BEND7: variants seen among roughly 807,000 people sequenced by gnomAD.
BEND7 encodes the protein BEN domain-containing protein 7.
In BEND7, 28 loss-of-function variants were observed where a neutral mutation model predicts 50.9. That is an observed-to-expected ratio of 0.55 (90% confidence interval 0.41 to 0.75). The LOEUF is 0.75. Ranked by LOEUF, BEND7 falls within the 30% of genes least tolerant of loss-of-function variation. BEND7 has a pLI of 0.00. For missense variants in BEND7, 477 were observed against 491.3 expected, an observed-to-expected ratio of 0.97 and a Z score of 0.28; for synonymous variants, 170 against 183.9, an observed-to-expected ratio of 0.92 and a Z score of 0.61.
In BEND7 at chr10:13,441,541, CCAG is replaced by C. The variant is rs1351451021; in HGVS notation, c.*199_*201del. ...TGGAAGGCAGTGCTTCTGAAGGTTC[CCAG>C]CAGATCTCTTAACAGACCACAGTTG... On this transcript the variant is annotated 3_prime_UTR_variant, in exon 9 of 9. Coordinates refer to ENST00000466271, the MANE Select transcript of BEND7 (RefSeq NM_001369863.1). 10 of 1,410,850 alleles carry C rather than the reference CCAG, an allele frequency of 7.1e-6. No homozygotes were observed. The highest frequency in any genetic ancestry group is 9.2e-6 in the Non-Finnish European group (10 of 1,083,808). 87.4% of individuals were successfully genotyped at this position (1,410,850 alleles called of 1,614,324 possible). A position where few individuals can be genotyped will look rare whatever the true frequency, so the allele number is the denominator to read the frequency against.
chr10:13,496,719 T>C, intron 4 of BEND7, 47 bp downstream of exon 4: 1 of 1,588,296 alleles, frequency 6.3e-7, no homozygotes, highest in Non-Finnish European at 8.6e-7. Context: ...AGATGTCAGA[T>C]ATGCATTAAA....
intron 8 of BEND7, chr10:13,443,586 A>G (rs1375596577): frequency 6.6e-6 from 1 of 152,272 alleles, no homozygotes; most frequent in Non-Finnish European, 1.5e-5. Context: ...CTCCATGAGC[A>G]ATTGTAGAAA....
At chr10:13,466,295 T>C (rs10906379) in intron 6 of BEND7, among the ~76,000 whole-genome samples, 110,894 of 151,662 alleles carry the variant, frequency 0.73, 41,071 homozygotes, top group East Asian at 0.88. Context: ...GGCGCAGTGG[T>C]TCATGCCTGT....
rs554993062 is a variant in BEND7 at position 13,500,712 on chromosome 10, C to T, written c.146-632G>A. 144 of 985,606 alleles carry T rather than the reference C, an allele frequency of 1.5e-4. No homozygotes were observed. In the African/African-American group the frequency reaches 2.4e-3, roughly 16 times the overall value. 61.1% of individuals were successfully genotyped at this position (985,606 alleles called of 1,614,324 possible). A position where few individuals can be genotyped will look rare whatever the true frequency, so the allele number is the denominator to read the frequency against. On this transcript the variant is annotated intron_variant, in intron 2 of 8. Transcript: ENST00000466271. ...GAGGACGGCCGAGGAGACAGAGAGG[C>T]GCCGAGTGTGGCAGCATGGCAAGCG... is the stretch of plus-strand genomic sequence containing the variant.
At chr10:13,504,573 T>C (rs1262791920) in intron 2 of BEND7, among the ~76,000 whole-genome samples, 1 of 152,206 alleles carries the variant, frequency 6.6e-6, no homozygotes, top group African/African-American at 2.4e-5. Flanking sequence ...TACTGGTATT[T>C]CCAGTTATCA....
At chr10:13,509,718 G>A (rs889496002) in intron 2 of BEND7, among the ~76,000 whole-genome samples, 4 of 152,188 alleles carry the variant, frequency 2.6e-5, no homozygotes, top group African/African-American at 2.4e-5. Flanking sequence ...GGCACTGAAC[G>A]AAGCTTGAGG....
At position 13,447,397 on chromosome 10, in the gene BEND7, T is replaced by C. The variant is rs1197500997; in HGVS notation, c.1184-81A>G. ...TTTACAGAAAATAGTGATGTAATTT[T>C]AAAAACTCCAGTATACATAACTGTT... On this transcript the variant is annotated intron_variant, in intron 7 of 8. Coordinates refer to ENST00000466271, the MANE Select transcript of BEND7 (RefSeq NM_001369863.1). The C allele has an allele frequency of 2.1e-6, 3 of 1,442,066 alleles. No homozygotes were observed. The African/African-American group carries it at 4.2e-5, about 20-fold the overall frequency. The allele number at this position is 1,442,066 out of a possible 1,614,324, so 89.3% of individuals were successfully genotyped here. A position where few individuals can be genotyped will look rare whatever the true frequency, so the allele number is the denominator to read the frequency against.
intron 6 of BEND7, among the ~76,000 whole-genome samples, chr10:13,476,221 T>C (rs989900119): frequency 6.6e-6 from 1 of 152,134 alleles, no homozygotes; most frequent in East Asian, 1.9e-4. Flanking sequence ...GCAGAGCCTG[T>C]GAAAGTGTGA....
intron 2 of BEND7, chr10:13,502,823 G>A (rs2077577770): frequency 1.2e-6 from 1 of 852,920 alleles, no homozygotes; most frequent in Non-Finnish European, 1.4e-6. Context: ...TCCCTGAACA[G>A]AGCAGCCATA....
At chr10:13,517,067 T>G (rs1356064378) in intron 2 of BEND7, among the ~76,000 whole-genome samples, 1 of 65,808 alleles carries the variant, frequency 1.5e-5, no homozygotes, top group Non-Finnish European at 3.9e-5. Context: ...TCTGGTGGCT[T>G]TTTTTTTTTT....
At chr10:13,453,599 A>G (rs1026902445) in intron 6 of BEND7, among the ~76,000 whole-genome samples, 1 of 152,256 alleles carries the variant, frequency 6.6e-6, no homozygotes, top group Non-Finnish European at 1.5e-5. Flanking sequence ...AAGAAGGTTC[A>G]CCATCTACCA....
intron 2 of BEND7, among the ~76,000 whole-genome samples, chr10:13,520,664 G>C (rs2079022171): frequency 6.6e-6 from 1 of 152,348 alleles, no homozygotes; most frequent in East Asian, 1.9e-4. Context: ...AGTGTGGTCA[G>C]CTACTAATGA....
chr10:13,495,162 T>A (rs1485699238), intron 4 of BEND7, among the ~76,000 whole-genome samples: 1 of 152,230 alleles, frequency 6.6e-6, no homozygotes, highest in Non-Finnish European at 1.5e-5. Flanking sequence ...ATATGCATAT[T>A]TTCTTAAGTG....
At chr10:13,439,935 C>T (rs1835126021), downstream of BEND7, among the ~76,000 whole-genome samples, 1 of 152,234 alleles carries the variant, frequency 6.6e-6, no homozygotes, top group African/African-American at 2.4e-5. Flanking sequence ...CGTCTTTTCT[C>T]TTTTATCCCG....
chr10:13,506,117 A>C (rs1282850049), intron 2 of BEND7, among the ~76,000 whole-genome samples: 1 of 152,082 alleles, frequency 6.6e-6, no homozygotes, highest in Non-Finnish European at 1.5e-5. Flanking sequence ...TCTTGCTCCA[A>C]ATAATGGTCC....
At chr10:13,512,438 A>T (rs1228243584) in intron 2 of BEND7, among the ~76,000 whole-genome samples, 1 of 152,268 alleles carries the variant, frequency 6.6e-6, no homozygotes, top group Admixed American at 6.5e-5. Context: ...ATAGAACAAG[A>T]CTGTAGATTA....
intron 2 of BEND7, among the ~76,000 whole-genome samples, chr10:13,521,201 G>A (rs1042147134): frequency 5.3e-5 from 8 of 152,106 alleles, no homozygotes; most frequent in Admixed American, 2.6e-4. Flanking sequence ...ACATACTGGG[G>A]GTTCCGCTTG....
intron 6 of BEND7, among the ~76,000 whole-genome samples, chr10:13,461,821 A>C (rs533089107): frequency 6.6e-6 from 1 of 152,294 alleles, no homozygotes; most frequent in East Asian, 1.9e-4. Context: ...AAGTGAGCAG[A>C]AGCATTGCTG....
chr10:13,450,218 C>G (rs1564507231), intron 7 of BEND7, among the ~76,000 whole-genome samples: 3 of 152,202 alleles, frequency 2.0e-5, no homozygotes, highest in African/African-American at 7.2e-5. Context: ...TGCAGGCTTC[C>G]TTAAGTGGTA....
Sources: allele counts gnomAD v4.1 joint callset (sites outside exome capture counted in the v4.1 genomes callset), GRCh38; gene constraint gnomAD v4.1.1; transcripts MANE v1.5; gene names NCBI Gene and HGNC (gene_info 2026-07-23, HGNC 2026-07-21).